NOL4: variants seen among roughly 807,000 people sequenced by gnomAD.
NOL4 encodes nucleolar protein 4, also known as cancer/testis antigen 125.
A neutral mutation model predicts 75.9 loss-of-function variants in NOL4; 17 were observed. The ratio of observed to expected loss-of-function variants is 0.22; its 90% CI spans 0.15 to 0.34. The LOEUF (loss-of-function observed/expected upper bound fraction) is 0.34, where lower values mean the gene tolerates loss of function less well. NOL4 is among the 10% of genes least tolerant of loss of function. The pLI is 1.00. For missense variants in NOL4, 614 were observed against 793.5 expected (o/e 0.77, Z 2.72); for synonymous variants, 292 against 289.9 (o/e 1.01, Z -0.07).
At chr18:33,863,136 T>C (rs1294117201) in intron 10 of NOL4, among the ~76,000 whole-genome samples, 4 of 152,050 alleles carry the variant, frequency 2.6e-5, no homozygotes, top group Admixed American at 6.6e-5. Flanking sequence ...ATGGATGAAA[T>C]TGGAAATCAT....
At chr18:34,070,099 C>G (rs1019237963) in intron 5 of NOL4, among the ~76,000 whole-genome samples, 1 of 152,170 alleles carries the variant, frequency 6.6e-6, no homozygotes, top group Non-Finnish European at 1.5e-5. Context: ...TGGCGCAATC[C>G]CGGCTCACTG....
intron 5 of NOL4, among the ~76,000 whole-genome samples, chr18:34,030,644 T>C (rs546008338): frequency 4.6e-5 from 7 of 152,340 alleles, no homozygotes; most frequent in African/African-American, 1.7e-4. Flanking sequence ...TCCAGTTTTC[T>C]GTACCACTTT....
intron 9 of NOL4, among the ~76,000 whole-genome samples, chr18:33,938,199 T>C (rs1292981200): frequency 3.3e-5 from 5 of 152,094 alleles, no homozygotes; most frequent in Non-Finnish European, 7.4e-5. Context: ...GCAGTTTTCT[T>C]ACATGTAAAT....
At chr18:33,986,583 AC>A in intron 6 of NOL4, among the ~76,000 whole-genome samples, 1 of 152,254 alleles carries the variant, frequency 6.6e-6, no homozygotes. Flanking sequence ...ATATTTTTGG[AC>A]CATGGTTAAC....
intron 2 of NOL4, among the ~76,000 whole-genome samples, chr18:34,127,182 T>C (rs1213507753): frequency 6.6e-6 from 1 of 151,880 alleles, no homozygotes; most frequent in Non-Finnish European, 1.5e-5. Context: ...TATAAATGCC[T>C]AGATATTTCA....
At chr18:34,079,803 T>A (rs1201812017) in intron 5 of NOL4, among the ~76,000 whole-genome samples, 1 of 152,228 alleles carries the variant, frequency 6.6e-6, no homozygotes, top group Non-Finnish European at 1.5e-5. Context: ...TAAAGCCAAG[T>A]TTTTAGAATT....
At chr18:33,990,398 C>A (rs1040249182) in intron 6 of NOL4, among the ~76,000 whole-genome samples, 8 of 152,152 alleles carry the variant, frequency 5.3e-5, no homozygotes, top group Middle Eastern at 3.4e-3. Flanking sequence ...CCTTCCATAG[C>A]AGACACATCT....
At chr18:34,221,893 G>T in intron 1 of NOL4, 1 of 705,500 alleles carries the variant, frequency 1.4e-6, no homozygotes, top group Non-Finnish European at 2.3e-6. Flanking sequence ...CAGGAATACT[G>T]CACCGGGAAA....
At chr18:34,035,824 A>T (rs1389179679) in intron 5 of NOL4, among the ~76,000 whole-genome samples, 1 of 152,122 alleles carries the variant, frequency 6.6e-6, no homozygotes, top group Non-Finnish European at 1.5e-5. Flanking sequence ...GATACAAAAG[A>T]TCATCAGAGA....
At chr18:33,963,013 T>C (rs1048957489) in intron 6 of NOL4, among the ~76,000 whole-genome samples, 6 of 152,316 alleles carry the variant, frequency 3.9e-5, no homozygotes, top group African/African-American at 1.4e-4. Context: ...AACTGAATTC[T>C]GCTTTTCAGC....
At chr18:33,857,256 T>C (rs1312076052) in intron 10 of NOL4, among the ~76,000 whole-genome samples, 1 of 152,042 alleles carries the variant, frequency 6.6e-6, no homozygotes, top group East Asian at 1.9e-4. Flanking sequence ...TACTAAAATA[T>C]TGCTGAGTCT....
chr18:34,204,178 A>G (rs1236721891), intron 1 of NOL4, among the ~76,000 whole-genome samples: 1 of 152,010 alleles, frequency 6.6e-6, no homozygotes, highest in African/African-American at 2.4e-5. Context: ...CATACATGCT[A>G]TTTCTCCCAT....
rs1039245448 is a variant in NOL4, at chr18:33,963,486, C to T, written c.1057-5068G>A. On this transcript the variant is annotated intron_variant, in intron 6 of 10. Transcript: ENST00000261592. ...TTGCCTTAATAAGAACTTTGGATGA[C>T]TATAGCCTAGGAAACCTTCATTTCA... 5.3e-5 allele frequency among the ~76,000 whole-genome samples: 8 copies of T among 152,066 alleles called. No individual in the cohort carries two copies. The East Asian group carries it at 5.8e-4, about 11-fold the overall frequency.
At chr18:33,988,825 A>ACCTT (rs1454543098) in intron 6 of NOL4, among the ~76,000 whole-genome samples, 2 of 151,976 alleles carry the variant, frequency 1.3e-5, no homozygotes, top group Non-Finnish European at 2.9e-5. Flanking sequence ...TCTATATTTT[A>ACCTT]CCTTCTTCCT....
At position 33,851,227 on chromosome 18, in the gene NOL4, CTATG is replaced by C. The variant is rs1020894537; in HGVS notation, c.*1611_*1614del. 3 of 152,372 alleles carry C rather than the reference CTATG, an allele frequency of 2.0e-5. No homozygotes were observed. The highest frequency in any genetic ancestry group is 2.9e-5 in the Non-Finnish European group (2 of 67,960). The allele number at this position is 152,372 out of a possible 1,614,324, so 9.4% of individuals were successfully genotyped here. A position where few individuals can be genotyped will look rare whatever the true frequency, so the allele number is the denominator to read the frequency against. On this transcript the variant is annotated 3_prime_UTR_variant, in exon 11 of 11. Transcript: ENST00000261592. ...CACATCTTAAAAGATGTTTGTGCAG[CTATG>C]TATTTCCAAAATACTCATATTTCAA...
chr18:33,911,112 C>T (rs529465282), intron 9 of NOL4, among the ~76,000 whole-genome samples: 3 of 152,066 alleles, frequency 2.0e-5, no homozygotes, highest in South Asian at 2.1e-4. Flanking sequence ...ACATATTTGG[C>T]TTTCCGATTC....
Position 34,093,476 on chromosome 18 carries a change from C to A in NOL4, c.761G>T (p.Gly254Val). 1 of 1,579,950 alleles carries A rather than the reference C, an allele frequency of 6.3e-7. No homozygotes were observed. Among genetic ancestry groups the A allele is most frequent in the South Asian group, 1.2e-5 (1 of 85,846 alleles). ...ACTGAAAGGCTTACCATCTTGCTGG[C>A]CATGAAGATTCTGGGGACTTTGCAT... is the stretch of plus-strand genomic sequence containing the variant. ...ERMQSPQNLH[G>V]QQDDDSAAES... Residue 254 changes from glycine (G) to valine (V), a missense_variant, in exon 5 of 11, where the codon GGC (glycine) becomes GTC (valine). Transcript: ENST00000261592.
chr18:34,135,305 T>C (rs1182792310), intron 1 of NOL4, among the ~76,000 whole-genome samples: 1 of 152,080 alleles, frequency 6.6e-6, no homozygotes, highest in Non-Finnish European at 1.5e-5. Context: ...GAATTAATAA[T>C]ATAAAATTAA....
intron 8 of NOL4, among the ~76,000 whole-genome samples, chr18:33,952,255 G>C (rs1236275057): frequency 1.3e-5 from 2 of 151,984 alleles, no homozygotes; most frequent in Non-Finnish European, 2.9e-5. Flanking sequence ...AAATATATTG[G>C]CTATATTCTT....
Sources: gnomAD v4.1 joint callset for allele counts (sites outside exome capture counted in the v4.1 genomes callset) on GRCh38, gnomAD v4.1.1 for gene constraint, MANE v1.5 for transcripts, NCBI Gene and HGNC (gene_info 2026-07-23, HGNC 2026-07-21) for gene names.